The following SRRM3 variants were observed in gnomAD, a reference collection of about 807,000 sequenced individuals.
SRRM3 encodes the protein serine/arginine repetitive matrix protein 3.
A neutral mutation model predicts 66.2 loss-of-function variants in SRRM3; 27 were observed. The observed-to-expected ratio is 0.41, with a 90% confidence interval of 0.30 to 0.56. The LOEUF (loss-of-function observed/expected upper bound fraction) is 0.56, where lower values mean the gene tolerates loss of function less well. Among genes scored for constraint, SRRM3 ranks in the 20% least tolerant of loss-of-function variants. The pLI, the probability that SRRM3 is intolerant of heterozygous loss-of-function variation, is 0.32. For synonymous variants in SRRM3, 391 were observed against 414.9 expected (o/e 0.94, Z 0.70); for missense variants, 918 against 991.9 (o/e 0.93, Z 1.00).
At chr7:76,254,190 T>G (rs1554607355) in intron 3 of SRRM3, among the ~76,000 whole-genome samples, 1 of 149,240 alleles carries the variant, frequency 6.7e-6, no homozygotes, top group Non-Finnish European at 1.5e-5. Flanking sequence ...TTTTTTGGGT[T>G]TTTTTTTTTT....
At chr7:76,281,906 C>A in intron 12 of SRRM3, 104 bp downstream of exon 12, 1 of 952,492 alleles carries the variant, frequency 1.0e-6, no homozygotes, top group Non-Finnish European at 1.3e-6. Context: ...CGCTGAGCTA[C>A]CCTCCAGGGA....
chr7:76,206,030 G>C (rs1469090417), intron 1 of SRRM3, among the ~76,000 whole-genome samples: 2 of 152,094 alleles, frequency 1.3e-5, no homozygotes, highest in Non-Finnish European at 2.9e-5. Flanking sequence ...TTTTTTGAGA[G>C]AGGGGCTCAA....
intron 1 of SRRM3, among the ~76,000 whole-genome samples, chr7:76,229,741 C>CTTTTTTTTTT (rs869140956): frequency 2.3e-5 from 3 of 133,102 alleles, no homozygotes; most frequent in Non-Finnish European, 3.2e-5. Flanking sequence ...TCTTCTTCTT[C>CTTTTTTTTTT]TTTTTTTTTT....
intron 1 of SRRM3, among the ~76,000 whole-genome samples, chr7:76,203,988 C>T (rs1800226985): frequency 2.6e-5 from 4 of 152,102 alleles, no homozygotes; most frequent in Non-Finnish European, 1.5e-5. Flanking sequence ...AGCGGGGTGC[C>T]TCTACCCCGT....
At position 76,283,109 on chromosome 7, in the gene SRRM3, G is replaced by T; in HGVS notation, c.1733+8G>T. ...GCCGCGGCGCATCACCAGGTATGGA[G>T]GGTCTTGGGGGGGCCGGTGGCGCAG... On this transcript the variant is annotated splice_region_variant and intron_variant, in intron 14 of 14. Coordinates refer to ENST00000611745, the MANE Select transcript of SRRM3 (RefSeq NM_001110199.3). 1 of 1,414,600 alleles carries T rather than the reference G, an allele frequency of 7.1e-7. No individual in the cohort carries two copies. Among genetic ancestry groups the T allele is most frequent in the Non-Finnish European group, 9.2e-7 (1 of 1,087,758 alleles). 87.6% of individuals were successfully genotyped at this position (1,414,600 alleles called of 1,614,324 possible). A position where few individuals can be genotyped will look rare whatever the true frequency, so the allele number is the denominator to read the frequency against.
chr7:76,211,114 G>T (rs538677847), intron 1 of SRRM3, among the ~76,000 whole-genome samples: 1 of 152,172 alleles, frequency 6.6e-6, no homozygotes, highest in Non-Finnish European at 1.5e-5. Flanking sequence ...GCCCAGCCAA[G>T]AATGTTTTTT....
intron 11 of SRRM3, chr7:76,269,850 G>A (rs1261297920): frequency 1.4e-5 from 2 of 142,876 alleles, no homozygotes; most frequent in Non-Finnish European, 3.0e-5. Flanking sequence ...TTCTTTTTGT[G>A]TGTGTTACTG....
Position 76,281,479 on chromosome 7 carries a change from G to A in SRRM3, c.1047G>A (p.Ala349=). ...SSPSPRVRDK[A]AAAAPTPPAR... ...CCTCGCCCAGGGTCCGTGACAAGGCGGCGGCCGCCGCACCCACGCCGCCCG... is the reference window on the plus strand; with the variant it reads ...CCTCGCCCAGGGTCCGTGACAAGGCAGCGGCCGCCGCACCCACGCCGCCCG... The change falls in exon 12 of 15, where the codon GCG becomes GCA. Residue 349 remains alanine, a synonymous_variant. Transcript: ENST00000611745. 16 of 1,229,566 alleles carry A rather than the reference G, an allele frequency of 1.3e-5. No individual in the cohort carries two copies. The highest frequency in any genetic ancestry group is 1.6e-5 in the Non-Finnish European group (16 of 982,200). 76.2% of individuals were successfully genotyped at this position (1,229,566 alleles called of 1,614,324 possible). A position where few individuals can be genotyped will look rare whatever the true frequency, so the allele number is the denominator to read the frequency against.
At chr7:76,282,145 C>G (rs1802534498) in intron 12 of SRRM3, among the ~76,000 whole-genome samples, 3 of 150,280 alleles carry the variant, frequency 2.0e-5, no homozygotes. Flanking sequence ...CCTCCCTCGA[C>G]GACCCCAACT....
rs782449245 is a variant in SRRM3, at chr7:76,260,216, CGGA to C, written c.545+21_545+23del. On this transcript the variant is annotated intron_variant, in intron 5 of 14. Transcript: ENST00000611745. ...GAAGCCGGTGAGAACCGCGCCTGAC[CGGA>C]GCGGGAAGGGAGGAGGAGGTGGGGT... is the stretch of plus-strand genomic sequence containing the variant. 6.6e-7 allele frequency: 1 copy of C among 1,521,360 alleles called. No individual in the cohort carries two copies. The highest frequency in any genetic ancestry group is 1.2e-5 in the South Asian group (1 of 81,702). The allele number at this position is 1,521,360 out of a possible 1,614,324, so 94.2% of individuals were successfully genotyped here. A position where few individuals can be genotyped will look rare whatever the true frequency, so the allele number is the denominator to read the frequency against.
chr7:76,281,301 C>T lies in SRRM3; in HGVS notation c.1009-140C>T, dbSNP rs571289814. On this transcript the variant is annotated intron_variant, in intron 11 of 14. Coordinates refer to ENST00000611745, the MANE Select transcript of SRRM3 (RefSeq NM_001110199.3). The stretch of plus-strand genomic sequence containing the variant: ...CCTCTCTTTCTGTCTCTGTCTCTCC[C>T]TCTTTCCTCTTTCTGTCTCTGTCTC... 63 of 538,340 alleles carry T rather than the reference C, an allele frequency of 1.2e-4. No homozygotes were observed. The African/African-American group carries it at 1.2e-3, about 10-fold the overall frequency. The allele number at this position is 538,340 out of a possible 1,614,324, so 33.3% of individuals were successfully genotyped here.
chr7:76,224,431 C>T (rs998922175), intron 1 of SRRM3, among the ~76,000 whole-genome samples: 32 of 146,988 alleles, frequency 2.2e-4, no homozygotes, highest in African/African-American at 7.6e-4. Context: ...TTCATGAAAC[C>T]TTCCCTGACC....
Position 76,285,934 on chromosome 7 carries a change from T to C in SRRM3, c.*91T>C. 7.4e-7 allele frequency: 1 copy of C among 1,348,066 alleles called. No homozygotes were observed. Among genetic ancestry groups the C allele is most frequent in the Non-Finnish European group, 1.0e-6 (1 of 996,830 alleles). The allele number at this position is 1,348,066 out of a possible 1,614,324, so 83.5% of individuals were successfully genotyped here. A position where few individuals can be genotyped will look rare whatever the true frequency, so the allele number is the denominator to read the frequency against. ...CCAGTGGGGAGGGGGCTATATCTCC[T>C]TGCCCCCAAGGCTACAAAGAGGTCT... is the stretch of plus-strand genomic sequence containing the variant. On this transcript the variant is annotated 3_prime_UTR_variant, in exon 15 of 15. Transcript: ENST00000611745. This position sits in a 1 kb window ranked among gnomAD's most constrained non-coding sequence, Gnocchi z 4.1.
chr7:76,202,220 G>T lies in SRRM3; in HGVS notation c.-40+153G>T, dbSNP rs569691315. 7.2e-5 allele frequency among the ~76,000 whole-genome samples: 11 copies of T among 152,320 alleles called. 1 individual carries two copies. The South Asian group carries it at 2.1e-3, about 29-fold the overall frequency. On this transcript the variant is annotated intron_variant, in intron 1 of 14. Transcript: ENST00000611745. ...GGGCGTCTGTCCGGGGGTGCCAGGC[G>T]CCCGGGGAGCAGAGATGAGGAACAT...
intron 10 of SRRM3, 116 bp from the exon 11 acceptor site, chr7:76,267,142 A>T: frequency 1.0e-6 from 1 of 964,096 alleles, no homozygotes; most frequent in Non-Finnish European, 1.4e-6. Flanking sequence ...GTGAAAAGGC[A>T]GGTGGAGGGC....
At chr7:76,221,973 C>T (rs1800734287) in intron 1 of SRRM3, among the ~76,000 whole-genome samples, 1 of 152,168 alleles carries the variant, frequency 6.6e-6, no homozygotes, top group Non-Finnish European at 1.5e-5. Context: ...CTTATATTAA[C>T]CCCATTTTAC....
At chr7:76,205,712 C>G (rs1554601071) in intron 1 of SRRM3, among the ~76,000 whole-genome samples, 1 of 152,204 alleles carries the variant, frequency 6.6e-6, no homozygotes, top group East Asian at 1.9e-4. Context: ...AATTCTGGGC[C>G]AGAAAGGACT....
chr7:76,222,560 C>G (rs1305435315), intron 1 of SRRM3, among the ~76,000 whole-genome samples: 1 of 151,542 alleles, frequency 6.6e-6, no homozygotes, highest in South Asian at 2.1e-4. Flanking sequence ...GGGACCTGGC[C>G]CTCCCTCCCC....
intron 1 of SRRM3, among the ~76,000 whole-genome samples, chr7:76,222,085 G>T (rs1027642428): frequency 6.6e-6 from 1 of 152,176 alleles, no homozygotes; most frequent in Non-Finnish European, 1.5e-5. Flanking sequence ...ATGTGGACTG[G>T]GTTATCAGTT....
Sources: gnomAD v4.1 joint callset for allele counts (sites outside exome capture counted in the v4.1 genomes callset) on GRCh38, gnomAD v4.1.1 for gene constraint, Gnocchi (gnomAD v3.1) non-coding constraint, MANE v1.5 for transcripts, NCBI Gene and HGNC (gene_info 2026-07-23, HGNC 2026-07-21) for gene names.